DOK5: variants seen among roughly 807,000 people sequenced by gnomAD.
DOK5 encodes the protein downstream of tyrosine kinase 5.
DOK5 carries 27 observed loss-of-function variants against 43.3 expected under a neutral mutation model. That is an observed-to-expected ratio of 0.62 (90% confidence interval 0.46 to 0.86). DOK5 has a LOEUF of 0.86. DOK5 is among the 40% of genes least tolerant of loss of function. The probability of loss-of-function intolerance (pLI) is 0.00; values close to 1 mark genes in which losing one functional copy is unlikely to be tolerated. For synonymous variants in DOK5, 146 were observed against 140.1 expected (o/e 1.04, Z -0.30); for missense variants, 373 against 392.9 (o/e 0.95, Z 0.43).
At chr20:54,555,755 T>G (rs1456252628) in intron 2 of DOK5, among the ~76,000 whole-genome samples, 1 of 152,256 alleles carries the variant, frequency 6.6e-6, no homozygotes, top group African/African-American at 2.4e-5. Context: ...ACTACTCTTT[T>G]GTCTATGAAG....
At chr20:54,625,128 CAG>C (rs1252420135) in intron 6 of DOK5, among the ~76,000 whole-genome samples, 1 of 152,140 alleles carries the variant, frequency 6.6e-6, no homozygotes, top group Non-Finnish European at 1.5e-5. Context: ...CTCCAAATGT[CAG>C]AACAAAAGAG....
intron 1 of DOK5, among the ~76,000 whole-genome samples, chr20:54,548,188 T>C (rs915101975): frequency 4.6e-5 from 7 of 152,304 alleles, no homozygotes; most frequent in Middle Eastern, 3.4e-3. Flanking sequence ...TATACTATCA[T>C]TGAATTCTCA....
intron 7 of DOK5, among the ~76,000 whole-genome samples, chr20:54,644,325 A>G (rs1327401616): frequency 6.6e-6 from 1 of 150,870 alleles, no homozygotes; most frequent in African/African-American, 2.4e-5. Context: ...TAATATCAGC[A>G]CTTTGGGAGG....
intron 2 of DOK5, among the ~76,000 whole-genome samples, chr20:54,579,782 C>A (rs1193552951): frequency 6.6e-6 from 1 of 151,970 alleles, no homozygotes; most frequent in East Asian, 1.9e-4. Context: ...TATACATTTT[C>A]TTTTTTTATA....
intron 1 of DOK5, among the ~76,000 whole-genome samples, chr20:54,495,706 C>T (rs1281919307): frequency 6.6e-6 from 1 of 152,194 alleles, no homozygotes; most frequent in East Asian, 1.9e-4. Context: ...GCCTGGCCAA[C>T]GTAGTGAAAC....
chr20:54,621,224 G>A (rs1478736605), intron 6 of DOK5, among the ~76,000 whole-genome samples: 1 of 152,216 alleles, frequency 6.6e-6, no homozygotes, highest in Non-Finnish European at 1.5e-5. Context: ...GGAGAGTCTG[G>A]GAAGAGGCTT....
intron 1 of DOK5, among the ~76,000 whole-genome samples, chr20:54,500,682 C>A (rs566303022): frequency 6.6e-6 from 1 of 151,718 alleles, no homozygotes; most frequent in African/African-American, 2.4e-5. Flanking sequence ...CTGCCTCAGC[C>A]TCCTGAGTAG....
At chr20:54,597,997 C>T (rs1238782511) in intron 5 of DOK5, among the ~76,000 whole-genome samples, 2 of 151,968 alleles carry the variant, frequency 1.3e-5, no homozygotes, top group South Asian at 2.1e-4. Flanking sequence ...TCCTGAGCTG[C>T]GCACTGGGGT....
At chr20:54,613,209 TC>T (rs1986707054) in intron 6 of DOK5, among the ~76,000 whole-genome samples, 2 of 151,606 alleles carry the variant, frequency 1.3e-5, no homozygotes, top group African/African-American at 4.9e-5. Context: ...TCTCTCTCTC[TC>T]TCTCTCTCGT....
At chr20:54,547,346 A>G (rs1984383821) in intron 1 of DOK5, among the ~76,000 whole-genome samples, 1 of 152,140 alleles carries the variant, frequency 6.6e-6, no homozygotes, top group African/African-American at 2.4e-5. Context: ...GCAGTGTACT[A>G]TTTCCTTTCA....
chr20:54,600,334 G>A (rs1049413639), intron 5 of DOK5, among the ~76,000 whole-genome samples: 2 of 152,090 alleles, frequency 1.3e-5, no homozygotes, highest in African/African-American at 4.8e-5. Flanking sequence ...CAACTACAGA[G>A]TTTGAGCAAG....
rs569736575 is a variant in DOK5 at position 54,610,131 on chromosome 20, T to A, written c.600-257T>A. 4.1e-3 allele frequency among the ~76,000 whole-genome samples: 623 copies of A among 152,264 alleles called. 5 individuals carry two copies. Among genetic ancestry groups the A allele is most frequent in the African/African-American group, 0.013 (521 of 41,564 alleles). ...TGCAAATCAAGAAACAGCTTTTTTT[T>A]AAAAAAAATTTCTGTTTTACTTTGT... On this transcript the variant is annotated intron_variant, in intron 5 of 7. Coordinates refer to ENST00000262593, the MANE Select transcript of DOK5 (RefSeq NM_018431.5).
chr20:54,616,836 G>T (rs2146800614), intron 6 of DOK5, among the ~76,000 whole-genome samples: 1 of 130,428 alleles, frequency 7.7e-6, no homozygotes, highest in South Asian at 2.3e-4. Context: ...CGCCCAGGCT[G>T]GAGTGCAGTG....
chr20:54,548,039 G>A (rs1215758904), intron 1 of DOK5, among the ~76,000 whole-genome samples: 1 of 152,078 alleles, frequency 6.6e-6, no homozygotes, highest in East Asian at 1.9e-4. Context: ...TTTAGCAGGT[G>A]GAGGCCAGAG....
chr20:54,564,056 T>C (rs1167314702), intron 2 of DOK5, among the ~76,000 whole-genome samples: 1 of 152,204 alleles, frequency 6.6e-6, no homozygotes, highest in East Asian at 1.9e-4. Flanking sequence ...TAGACTCCTA[T>C]TTTCTTTCAG....
At chr20:54,638,618 TG>T (rs2146825234) in intron 6 of DOK5, among the ~76,000 whole-genome samples, 1 of 152,248 alleles carries the variant, frequency 6.6e-6, no homozygotes, top group African/African-American at 2.4e-5. Context: ...GGAAACAAAA[TG>T]GGTTATTTGT....
chr20:54,641,470 CT>C (rs11481633), intron 6 of DOK5, among the ~76,000 whole-genome samples: 5 of 151,262 alleles, frequency 3.3e-5, no homozygotes, highest in African/African-American at 9.7e-5. Context: ...ACAGTGGAGA[CT>C]TTTTTTTCTT....
Position 54,610,390 on chromosome 20 carries a change from T to C in DOK5, c.602T>C (p.Met201Thr). The C allele has an allele frequency of 6.5e-7, 1 of 1,535,518 alleles. No individual in the cohort carries two copies. Among genetic ancestry groups the C allele is most frequent in the Non-Finnish European group, 8.7e-7 (1 of 1,144,214 alleles). The change falls in exon 6 of 8, where the codon ATG becomes ACG. Residue 201 changes from methionine to threonine, a missense_variant and splice_region_variant. Met to Thr is a moderately conservative substitution (Grantham distance 81). Coordinates refer to ENST00000262593, the MANE Select transcript of DOK5 (RefSeq NM_018431.5). ...TTWFTFEAGRMCETGEGLFIF... is the reference protein window; with the variant it reads ...TTWFTFEAGRTCETGEGLFIF... ...CTGTTTTGTTTTTGTTTTCACAGGA[T>C]GTGTGAGACTGGTGAAGGGCTGTTT...
intron 7 of DOK5, among the ~76,000 whole-genome samples, chr20:54,648,463 A>G (rs1979544778): frequency 6.6e-6 from 1 of 152,228 alleles, no homozygotes; most frequent in African/African-American, 2.4e-5. Flanking sequence ...ACTTCTTGAG[A>G]TGGGGTAGTC....
Sources: allele counts gnomAD v4.1 joint callset (sites outside exome capture counted in the v4.1 genomes callset), GRCh38; gene constraint gnomAD v4.1.1; transcripts MANE v1.5; gene names NCBI Gene and HGNC (gene_info 2026-07-23, HGNC 2026-07-21).